PLPPR1: variants seen among roughly 807,000 people sequenced by gnomAD.
PLPPR1 encodes phospholipid phosphatase related 1.
Under a neutral mutation model 33.1 loss-of-function variants are expected in PLPPR1, and 10 were observed. The observed-to-expected ratio is 0.30, with a 90% CI of 0.19 to 0.51. PLPPR1 has a LOEUF of 0.51. Among genes scored for constraint, PLPPR1 ranks in the 20% least tolerant of loss-of-function variants. The pLI, the probability that PLPPR1 is intolerant of heterozygous loss-of-function variation, is 0.97. For missense variants in PLPPR1, 304 were observed against 408.1 expected (o/e 0.74, Z 2.20); for synonymous variants, 151 against 151.0 (o/e 1.00, Z 0.00).
chr9:101,208,503 C>CTT (rs1046509530), intron 2 of PLPPR1, among the ~76,000 whole-genome samples: 1 of 152,198 alleles, frequency 6.6e-6, no homozygotes, highest in African/African-American at 2.4e-5. Flanking sequence ...TACAGCTATT[C>CTT]TTTAATCTTT....
At chr9:101,120,239 C>A (rs1385519683) in intron 1 of PLPPR1, among the ~76,000 whole-genome samples, 1 of 152,190 alleles carries the variant, frequency 6.6e-6, no homozygotes, top group African/African-American at 2.4e-5. Flanking sequence ...CTGTTAGCAC[C>A]TTCACTCTAG....
intron 2 of PLPPR1, among the ~76,000 whole-genome samples, chr9:101,231,842 C>T (rs1267611344): frequency 6.6e-6 from 1 of 151,984 alleles, no homozygotes; most frequent in Non-Finnish European, 1.5e-5. Flanking sequence ...GAGAGAAAAC[C>T]AAGTTTATGC....
Position 101,289,441 on chromosome 9 carries a change from G to C in PLPPR1, c.385+3205G>C, listed in dbSNP as rs115668154. Among the ~76,000 whole-genome samples the C allele has an allele frequency of 5.7e-3, 870 of 152,232 alleles. 9 individuals are homozygous for C. The highest frequency in any genetic ancestry group is 0.02 in the African/African-American group (812 of 41,548). The stretch of plus-strand genomic sequence containing the variant: ...CATACTTCAAAGTACCTGGTACATA[G>C]GTTGCCAAAAAATGATTTTTGAGAG... On this transcript the variant is annotated intron_variant, in intron 4 of 7. Coordinates refer to ENST00000374874, the MANE Select transcript of PLPPR1 (RefSeq NM_207299.2).
chr9:101,113,699 A>G (rs1831085829), intron 1 of PLPPR1, among the ~76,000 whole-genome samples: 1 of 152,214 alleles, frequency 6.6e-6, no homozygotes, highest in African/African-American at 2.4e-5. Context: ...GCTTTTTCAC[A>G]TGCAAAAAAC....
intron 1 of PLPPR1, among the ~76,000 whole-genome samples, chr9:101,168,877 A>G (rs1435866570): frequency 6.6e-6 from 1 of 152,150 alleles, no homozygotes; most frequent in Non-Finnish European, 1.5e-5. Flanking sequence ...AGAGTGTAAG[A>G]GACCACAACA....
chr9:101,084,650 G>T (rs764521943), intron 1 of PLPPR1, among the ~76,000 whole-genome samples: 1 of 152,194 alleles, frequency 6.6e-6, no homozygotes, highest in Non-Finnish European at 1.5e-5. Context: ...GGCTTCTTTG[G>T]TTTGTTACAG....
intron 2 of PLPPR1, among the ~76,000 whole-genome samples, chr9:101,210,368 T>C (rs1015506887): frequency 1.3e-5 from 2 of 152,214 alleles, no homozygotes; most frequent in African/African-American, 4.8e-5. Context: ...TTCCCTGGGC[T>C]CTGTGGGGCT....
chr9:101,154,515 C>A (rs1831647396), intron 1 of PLPPR1, among the ~76,000 whole-genome samples: 1 of 152,112 alleles, frequency 6.6e-6, no homozygotes, highest in Non-Finnish European at 1.5e-5. Context: ...TCATAATATT[C>A]TCTGATGGTA....
intron 1 of PLPPR1, among the ~76,000 whole-genome samples, chr9:101,087,692 A>C (rs1305366840): frequency 6.6e-6 from 1 of 152,186 alleles, no homozygotes; most frequent in South Asian, 2.1e-4. Context: ...GTGTCAATAC[A>C]TTTTATGTAA....
At chr9:101,131,455 A>G (rs959840191) in intron 1 of PLPPR1, 2 of 152,188 alleles carry the variant, frequency 1.3e-5, no homozygotes, top group Non-Finnish European at 2.9e-5. Flanking sequence ...TGTTGAGCTC[A>G]TCAGGTTTAA....
intron 1 of PLPPR1, among the ~76,000 whole-genome samples, chr9:101,069,625 C>T (rs149328501): frequency 6.1e-4 from 93 of 152,196 alleles, no homozygotes; most frequent in African/African-American, 2.0e-3. Context: ...TTTGACTGAT[C>T]TGGGTGGAGT....
chr9:101,152,353 G>A (rs1255965611), intron 1 of PLPPR1, among the ~76,000 whole-genome samples: 4 of 152,156 alleles, frequency 2.6e-5, no homozygotes, highest in African/African-American at 9.7e-5. Context: ...TAGATTGCCT[G>A]TTCACTCTGA....
chr9:101,150,815 T>C (rs1035360481), intron 1 of PLPPR1, among the ~76,000 whole-genome samples: 7 of 152,092 alleles, frequency 4.6e-5, no homozygotes, highest in African/African-American at 1.7e-4. Flanking sequence ...CCTGCTTCTT[T>C]ATGATATGTT....
intron 1 of PLPPR1, among the ~76,000 whole-genome samples, chr9:101,057,949 G>A (rs191905221): frequency 6.1e-4 from 93 of 152,204 alleles, no homozygotes; most frequent in African/African-American, 2.2e-3. Context: ...AAGTGGGCCT[G>A]GGGAGTACAA....
chr9:101,256,101 G>T (rs182802332), intron 2 of PLPPR1, among the ~76,000 whole-genome samples: 8 of 152,216 alleles, frequency 5.3e-5, no homozygotes, highest in Non-Finnish European at 4.4e-5. Context: ...TTCCGCTCCT[G>T]CTCCTCCCTG....
chr9:101,236,564 T>C (rs1435880248), intron 2 of PLPPR1, among the ~76,000 whole-genome samples: 1 of 130,788 alleles, frequency 7.6e-6, no homozygotes, highest in African/African-American at 3.3e-5. Flanking sequence ...ACACACATTT[T>C]CTTCATAGTT....
Position 101,296,865 on chromosome 9 carries a change from G to A in PLPPR1, c.385+10629G>A, listed in dbSNP as rs570495877. On this transcript the variant is annotated intron_variant, in intron 4 of 7. Transcript: ENST00000374874. Reference sequence around the variant, plus strand: ...AATGCTAAATGACGAGTTAATGGGTGCGGCACACCAGCATGTCACATGTAT... The same window carrying A: ...AATGCTAAATGACGAGTTAATGGGTACGGCACACCAGCATGTCACATGTAT... Among the ~76,000 whole-genome samples the A allele has an allele frequency of 2.6e-5, 4 of 152,062 alleles. No individual in the cohort carries two copies. The East Asian group carries it at 5.8e-4, about 22-fold the overall frequency.
intron 1 of PLPPR1, among the ~76,000 whole-genome samples, chr9:101,101,437 G>T (rs530959599): frequency 5.9e-5 from 9 of 151,438 alleles, no homozygotes; most frequent in African/African-American, 1.9e-4. Flanking sequence ...TCACCTTTTG[G>T]TCCAGCTGCA....
chr9:101,312,243 G>A (rs983261264), intron 5 of PLPPR1, among the ~76,000 whole-genome samples: 3 of 152,184 alleles, frequency 2.0e-5, no homozygotes, highest in African/African-American at 7.2e-5. Flanking sequence ...TGCAGTTGTT[G>A]GGAGGTTCTA....
Sources: allele counts gnomAD v4.1 joint callset (sites outside exome capture counted in the v4.1 genomes callset), GRCh38; gene constraint gnomAD v4.1.1; transcripts MANE v1.5; gene names NCBI Gene and HGNC (gene_info 2026-07-23, HGNC 2026-07-21).